CD5: variants seen among roughly 807,000 people sequenced by gnomAD.
The protein encoded by CD5 is T-cell surface glycoprotein CD5.
Under a neutral mutation model 60.3 loss-of-function variants are expected in CD5, and 36 were observed. The ratio of observed to expected loss-of-function variants is 0.60; its 90% confidence interval spans 0.46 to 0.79. CD5 has a LOEUF of 0.79. Ranked by LOEUF, CD5 falls within the 30% of genes least tolerant of loss-of-function variation. The pLI is 0.00. For synonymous variants in CD5, 230 were observed against 257.6 expected (o/e 0.89, Z 1.03); for missense variants, 540 against 630.6 (o/e 0.86, Z 1.54).
At chr11:61,114,454 G>GCATACATA (rs112878718) in intron 1 of CD5, among the ~76,000 whole-genome samples, 39,576 of 151,172 alleles carry the variant, frequency 0.26, 6,196 homozygotes, top group African/African-American at 0.43. Flanking sequence ...ACACATACAT[G>GCATACATA]CATACATACA....
intron 2 of CD5, among the ~76,000 whole-genome samples, chr11:61,115,685 C>T (rs991741679): frequency 6.6e-6 from 1 of 152,236 alleles, no homozygotes; most frequent in Non-Finnish European, 1.5e-5. Context: ...TTTAACCCAG[C>T]ACTTTGCACC....
chr11:61,122,793 T>G, intron 6 of CD5, 114 bp from the exon 7 acceptor site: 1 of 1,169,386 alleles, frequency 8.6e-7, no homozygotes, highest in Non-Finnish European at 1.2e-6. Context: ...TGCATGCTGG[T>G]GAATTTCTCA....
intron 7 of CD5, 74 bp downstream of exon 7, chr11:61,123,106 G>A (rs1861093792): frequency 6.8e-7 from 1 of 1,476,876 alleles, no homozygotes; most frequent in East Asian, 2.5e-5. Flanking sequence ...GTCCTCCGGA[G>A]GAGGGGTCAT....
chr11:61,123,797 C>A (rs1861104083), intron 7 of CD5, 87 bp from the exon 8 acceptor site: 1 of 892,928 alleles, frequency 1.1e-6, no homozygotes, highest in Non-Finnish European at 1.8e-6. Flanking sequence ...CATCTCCCTC[C>A]CAGGCCCAGC....
intron 1 of CD5, 46 bp downstream of exon 1, chr11:61,102,661 A>T (rs370804474): frequency 4.0e-5 from 59 of 1,475,896 alleles, no homozygotes; most frequent in Non-Finnish European, 5.0e-5. Flanking sequence ...GGCTCGCTCC[A>T]GTGCAAGGAA....
rs1049749759 is a variant in CD5 at position 61,118,025 on chromosome 11, C to A, written c.95-150C>A. The A allele has an allele frequency of 2.6e-6, 2 of 776,308 alleles. No individual in the cohort carries two copies. The highest frequency in any genetic ancestry group is 1.7e-5 in the African/African-American group (1 of 57,648). The allele number at this position is 776,308 out of a possible 1,614,324, so 48.1% of individuals were successfully genotyped here. ...GGTCCTCTGGGAAGCCCCTGCAGTGCCCCAGAAGGGACGAAGCTCACAAGG... is the reference window on the plus strand; with the variant it reads ...GGTCCTCTGGGAAGCCCCTGCAGTGACCCAGAAGGGACGAAGCTCACAAGG... On this transcript the variant is annotated intron_variant, in intron 2 of 10. Transcript: ENST00000347785. The surrounding 1 kb of genome is among the most constrained non-coding windows in gnomAD (Gnocchi z 4.7).
At chr11:61,097,064 C>G in the CD5 span, among the ~76,000 whole-genome samples, 1 of 152,196 alleles carries the variant, frequency 6.6e-6, no homozygotes, top group Non-Finnish European at 1.5e-5. Context: ...TTTACAAACC[C>G]TCTCCTGAGC....
At chr11:61,102,464 C>T (rs1283699629), upstream of CD5, 9 of 792,852 alleles carry the variant, frequency 1.1e-5, no homozygotes, top group Admixed American at 2.3e-5. Context: ...GAGCACGCCA[C>T]CCCGCCCTCT....
intron 2 of CD5, among the ~76,000 whole-genome samples, chr11:61,115,729 C>T (rs1860929898): frequency 6.6e-6 from 1 of 152,232 alleles, no homozygotes. Context: ...TTCACATTGA[C>T]TGGGATAACA....
chr11:61,113,281 C>T (rs1276509779), intron 1 of CD5, among the ~76,000 whole-genome samples: 3 of 152,256 alleles, frequency 2.0e-5, no homozygotes, highest in Non-Finnish European at 2.9e-5. Context: ...TTTGAAGCCA[C>T]GTGAGCTTGC....
At chr11:61,111,614 C>T (rs1449632027) in intron 1 of CD5, among the ~76,000 whole-genome samples, 3 of 152,200 alleles carry the variant, frequency 2.0e-5, no homozygotes, top group East Asian at 1.9e-4. Flanking sequence ...TTTAATACCC[C>T]GACAAACCCA....
In CD5 at chr11:61,121,661, G is replaced by T; in HGVS notation, c.856G>T (p.Glu286Ter). ...SRLVGGSSIC[E>*]GTVEVRQGAQ... is the part of the protein sequence containing the mutation. ...TCTGGTGGGGGGCAGCAGCATCTGT[G>T]AAGGCACCGTGGAGGTGCGCCAGGG... The change falls in exon 6 of 11, where the codon GAA (glutamate) becomes TAA (stop). Residue 286 changes from glutamate to a stop codon, truncating the protein, a stop_gained. Transcript: ENST00000347785. LOFTEE classifies it high-confidence loss of function. 1 of 1,567,428 alleles carries T rather than the reference G, an allele frequency of 6.4e-7. No individual in the cohort carries two copies.
In CD5 at chr11:61,125,060, C is replaced by T. The variant is rs756694716; in HGVS notation, c.1308C>T (p.Thr436=). 8 of 1,614,118 alleles carry T rather than the reference C, an allele frequency of 5.0e-6. No individual in the cohort carries two copies. Among genetic ancestry groups the T allele is most frequent in the East Asian group, 4.5e-5 (2 of 44,866 alleles). Reference sequence around the variant, plus strand: ...CTTTCCATCGCAACCACACGGCAACCGTCCGATCCCATGCTGAGAACCCCA... The same window carrying T: ...CTTTCCATCGCAACCACACGGCAACTGTCCGATCCCATGCTGAGAACCCCA... ...NMSFHRNHTA[T]VRSHAENPTA... The change falls in exon 9 of 11, where the codon ACC becomes ACT. Residue 436 remains threonine, a synonymous_variant. Transcript: ENST00000347785.
chr11:61,095,743 A>C, the CD5 span, among the ~76,000 whole-genome samples: 1 of 152,242 alleles, frequency 6.6e-6, no homozygotes, highest in Non-Finnish European at 1.5e-5. Context: ...GGGGCTCAAA[A>C]GGCTACAAAT....
In CD5 at chr11:61,123,906, G is replaced by A. The variant is rs747327007; in HGVS notation, c.1248G>A (p.Gln416=). The stretch of plus-strand genomic sequence containing the variant: ...CAGTCCGCCAGAAGAAGCAGCGCCA[G>A]TGGATTGGCCCAACGGGAATGAACC... ...VKKFRQKKQR[Q]WIGPTGMNQN... Residue 416 remains glutamine, a synonymous_variant, in exon 8 of 11, where the codon CAG becomes CAA. Coordinates refer to ENST00000347785, the MANE Select transcript of CD5 (RefSeq NM_014207.4). The A allele has an allele frequency of 6.6e-7, 1 of 1,522,704 alleles. No individual in the cohort carries two copies. Among genetic ancestry groups the A allele is most frequent in the Middle Eastern group, 1.8e-4 (1 of 5,598 alleles). 94.3% of individuals were successfully genotyped at this position (1,522,704 alleles called of 1,614,324 possible). A position where few individuals can be genotyped will look rare whatever the true frequency, so the allele number is the denominator to read the frequency against.
chr11:61,107,987 C>T (rs926383704), intron 1 of CD5, among the ~76,000 whole-genome samples: 1 of 152,164 alleles, frequency 6.6e-6, no homozygotes, highest in Admixed American at 6.5e-5. Flanking sequence ...CTCCCACAGG[C>T]CCTGTCAGGT....
chr11:61,118,066 C>A lies in CD5; in HGVS notation c.95-109C>A. 8.5e-7 allele frequency: 1 copy of A among 1,170,066 alleles called. No individual in the cohort carries two copies. The highest frequency in any genetic ancestry group is 1.2e-6 in the Non-Finnish European group (1 of 818,952). The allele number at this position is 1,170,066 out of a possible 1,614,324, so 72.5% of individuals were successfully genotyped here. On this transcript the variant is annotated intron_variant, in intron 2 of 10. Transcript: ENST00000347785. This position sits in a 1 kb window ranked among gnomAD's most constrained non-coding sequence, Gnocchi z 4.7. The stretch of plus-strand genomic sequence containing the variant: ...GCTCACAAGGGGCAAGGCAGGCAGC[C>A]CACGGGGCAGGAGGGAGCTCAACTG...
chr11:61,105,079 TG>T (rs146293034), intron 1 of CD5, among the ~76,000 whole-genome samples: 4,985 of 152,302 alleles, frequency 0.033, 272 homozygotes, highest in African/African-American at 0.11. Flanking sequence ...GCCAGAGCCC[TG>T]GGGACACCAC....
chr11:61,107,934 T>C (rs1186940929), intron 1 of CD5, among the ~76,000 whole-genome samples: 1 of 152,138 alleles, frequency 6.6e-6, no homozygotes, highest in Non-Finnish European at 1.5e-5. Flanking sequence ...TTCCCCCATC[T>C]GTACTCCAGA....
Sources: gnomAD v4.1 joint callset for allele counts (sites outside exome capture counted in the v4.1 genomes callset) on GRCh38, gnomAD v4.1.1 for gene constraint, Gnocchi (gnomAD v3.1) non-coding constraint, MANE v1.5 for transcripts, NCBI Gene and HGNC (gene_info 2026-07-23, HGNC 2026-07-21) for gene names.